Variants in MBD5 observed in about 807,000 individuals in gnomAD.
MBD5 encodes methyl-CpG binding domain protein 5, also known as methyl-CpG-binding domain protein 5.
A neutral mutation model predicts 117.3 loss-of-function variants in MBD5; 13 were observed. That is an observed-to-expected ratio of 0.11 (90% CI 0.07 to 0.18). MBD5 has a LOEUF of 0.18. Ranked by LOEUF, MBD5 falls within the 10% of genes least tolerant of loss-of-function variation. The pLI is 1.00. For synonymous variants in MBD5, 727 were observed against 766.4 expected (o/e 0.95, Z 0.85); for missense variants, 1,879 against 2,093.8 (o/e 0.90, Z 2.00).
chr2:148,095,668 G>A (rs1270666093), intron 1 of MBD5, among the ~76,000 whole-genome samples: 2 of 151,758 alleles, frequency 1.3e-5, no homozygotes, highest in Admixed American at 6.6e-5. Flanking sequence ...GATTACTTAT[G>A]AGCAATACAT....
intron 11 of MBD5, among the ~76,000 whole-genome samples, chr2:148,493,918 C>T (rs1238864736): frequency 6.6e-6 from 1 of 152,170 alleles, no homozygotes. Context: ...AATCTTAGCT[C>T]TGCCAGTTAC....
At chr2:148,294,506 T>TTTTTTTTTGTTTTG (rs1397412173) in intron 3 of MBD5, among the ~76,000 whole-genome samples, 14 of 130,686 alleles carry the variant, frequency 1.1e-4, no homozygotes, top group African/African-American at 3.0e-4. Context: ...TTACAGTTTT[T>TTTTTTTTTGTTTTG]TTTTTTTTTT....
intron 1 of MBD5, among the ~76,000 whole-genome samples, chr2:148,147,117 T>A (rs906960720): frequency 6.6e-6 from 1 of 152,108 alleles, no homozygotes; most frequent in Non-Finnish European, 1.5e-5. Flanking sequence ...ATCTAATATT[T>A]GGGTTTCCAT....
rs1201477284 is a variant in MBD5, at chr2:148,294,505, T to TTTTTTTTTTGTTTTTTTTTTTTTGTTTTG, written c.-679-47700_-679-47699insGTTTTTTTTTTTTTGTTTTGTTTTTTTTT. Among the ~76,000 whole-genome samples the TTTTTTTTTTGTTTTTTTTTTTTTGTTTTG allele has an allele frequency of 5.4e-4, 16 of 29,830 alleles. 1 individual carries two copies. Among genetic ancestry groups the TTTTTTTTTTGTTTTTTTTTTTTTGTTTTG allele is most frequent in the East Asian group, 1.3e-3 (1 of 766 alleles). 19.6% of individuals were successfully genotyped at this position (29,830 alleles called of 152,430 possible). On this transcript the variant is annotated intron_variant, in intron 3 of 13. Coordinates refer to ENST00000642680, the MANE Select transcript of MBD5 (RefSeq NM_001378120.1). The stretch of plus-strand genomic sequence containing the variant: ...TCCCAAAGTGCTGGGATTACAGTTT[T>TTTTTTTTTTGTTTTTTTTTTTTTGTTTTG]TTTTTTTTTTTTTTTTGAGATAGAG...
intron 3 of MBD5, among the ~76,000 whole-genome samples, chr2:148,281,320 A>T (rs1701240245): frequency 6.6e-6 from 1 of 152,112 alleles, no homozygotes; most frequent in Non-Finnish European, 1.5e-5. Flanking sequence ...TTTCCAGTTT[A>T]CTAGGTGCCT....
At chr2:148,429,968 C>T (rs1574415846) in intron 4 of MBD5, among the ~76,000 whole-genome samples, 1 of 152,236 alleles carries the variant, frequency 6.6e-6, no homozygotes, top group Middle Eastern at 3.4e-3. Flanking sequence ...ACATTCTGCA[C>T]ATGTACCCCA....
intron 4 of MBD5, among the ~76,000 whole-genome samples, chr2:148,420,515 A>G (rs1007840482): frequency 5.3e-5 from 8 of 152,102 alleles, no homozygotes; most frequent in Non-Finnish European, 7.4e-5. Flanking sequence ...AGTTATTAAC[A>G]TTTTCCCACA....
chr2:148,457,726 T>C (rs1027018789), intron 4 of MBD5, among the ~76,000 whole-genome samples: 2 of 152,288 alleles, frequency 1.3e-5, no homozygotes, highest in East Asian at 3.8e-4. Context: ...TCTAACTTTT[T>C]ATTTTAAAAA....
chr2:148,048,007 C>T (rs1442867369), intron 1 of MBD5, among the ~76,000 whole-genome samples: 1 of 152,172 alleles, frequency 6.6e-6, no homozygotes, highest in East Asian at 1.9e-4. Flanking sequence ...CTTAAATATG[C>T]TGTCTTGAAA....
chr2:148,298,177 C>G (rs915557154), intron 3 of MBD5, among the ~76,000 whole-genome samples: 1 of 152,188 alleles, frequency 6.6e-6, no homozygotes, highest in Non-Finnish European at 1.5e-5. Context: ...TTTTGCTCTA[C>G]AGGTAAGGTC....
intron 3 of MBD5, among the ~76,000 whole-genome samples, chr2:148,266,819 T>G (rs775876253): frequency 2.0e-5 from 3 of 152,116 alleles, no homozygotes; most frequent in Admixed American, 1.3e-4. Flanking sequence ...CTGAGAGACA[T>G]TTAAACAAAT....
chr2:148,328,154 G>A (rs1342071475), intron 3 of MBD5, among the ~76,000 whole-genome samples: 11 of 152,206 alleles, frequency 7.2e-5, no homozygotes, highest in Admixed American at 2.0e-4. Flanking sequence ...AGGCTGCTCG[G>A]GGGTCAGGGG....
intron 4 of MBD5, among the ~76,000 whole-genome samples, chr2:148,358,656 C>G (rs867753280): frequency 1.4e-5 from 2 of 147,354 alleles, no homozygotes; most frequent in South Asian, 4.3e-4. Flanking sequence ...TGGTGGTACA[C>G]GCATGTGGTC....
chr2:148,135,066 T>C (rs1697140754), intron 1 of MBD5, among the ~76,000 whole-genome samples: 1 of 152,234 alleles, frequency 6.6e-6, no homozygotes, highest in African/African-American at 2.4e-5. Flanking sequence ...TCCTCAACAG[T>C]CCAGTATCTT....
chr2:148,510,501 CA>C (rs903446781), intron 13 of MBD5, among the ~76,000 whole-genome samples: 19 of 152,254 alleles, frequency 1.2e-4, no homozygotes, highest in Non-Finnish European at 1.9e-4. Context: ...TCCATTGAAC[CA>C]AAAAGACAGT....
chr2:148,112,311 A>G (rs1178295126), intron 1 of MBD5, among the ~76,000 whole-genome samples: 1 of 152,186 alleles, frequency 6.6e-6, no homozygotes, highest in African/African-American at 2.4e-5. Flanking sequence ...CCTATTTCCC[A>G]AGGAATCTCC....
chr2:148,306,107 G>A (rs1701886257), intron 3 of MBD5, among the ~76,000 whole-genome samples: 1 of 152,148 alleles, frequency 6.6e-6, no homozygotes, highest in South Asian at 2.1e-4. Context: ...ACCCAGGCTA[G>A]GATAGCAAGC....
intron 1 of MBD5, among the ~76,000 whole-genome samples, chr2:148,090,789 A>G (rs1457016677): frequency 6.6e-6 from 1 of 152,164 alleles, no homozygotes; most frequent in Non-Finnish European, 1.5e-5. Flanking sequence ...GGAACAAGAC[A>G]AGGATGTCCA....
chr2:148,405,027 G>A (rs185904175), intron 4 of MBD5, among the ~76,000 whole-genome samples: 18 of 151,986 alleles, frequency 1.2e-4, no homozygotes, highest in African/African-American at 3.6e-4. Flanking sequence ...AATTTGTTCT[G>A]GACTTGATAA....
Sources: gnomAD v4.1 joint callset for allele counts (sites outside exome capture counted in the v4.1 genomes callset) on GRCh38, gnomAD v4.1.1 for gene constraint, MANE v1.5 for transcripts, NCBI Gene and HGNC (gene_info 2026-07-23, HGNC 2026-07-21) for gene names.